GABRG3: variants seen among roughly 807,000 people sequenced by gnomAD.
GABRG3 encodes the protein gamma-aminobutyric acid receptor subunit gamma-3.
Under a neutral mutation model 48.8 loss-of-function variants are expected in GABRG3, and 25 were observed. The ratio of observed to expected loss-of-function variants is 0.51; its 90% CI spans 0.37 to 0.72. GABRG3 has a LOEUF of 0.72. Among genes scored for constraint, GABRG3 ranks in the 30% least tolerant of loss-of-function variants. The pLI is 0.00. For synonymous variants in GABRG3, 227 were observed against 217.6 expected (o/e 1.04, Z -0.38); for missense variants, 394 against 577.9 (o/e 0.68, Z 3.26).
intron 5 of GABRG3, 25 bp downstream of exon 5, chr15:27,328,913 T>C (rs557429798): frequency 6.3e-7 from 1 of 1,590,432 alleles, no homozygotes; most frequent in East Asian, 2.2e-5. Flanking sequence ...AAGCCCGGGG[T>C]GTGCATGCTG....
chr15:27,065,689 G>C (rs1180398731), intron 3 of GABRG3, among the ~76,000 whole-genome samples: 2 of 152,260 alleles, frequency 1.3e-5, no homozygotes, highest in Non-Finnish European at 2.9e-5. Flanking sequence ...GACCTTAGCT[G>C]CCTGCTGAGC....
At chr15:27,504,013 C>T (rs1343002339) in intron 6 of GABRG3, among the ~76,000 whole-genome samples, 2 of 152,138 alleles carry the variant, frequency 1.3e-5, no homozygotes, top group Non-Finnish European at 2.9e-5. Flanking sequence ...ATTATTACCA[C>T]AGTAAAACTT....
intron 3 of GABRG3, among the ~76,000 whole-genome samples, chr15:27,303,439 T>C (rs1263532008): frequency 6.6e-6 from 1 of 151,828 alleles, no homozygotes; most frequent in Non-Finnish European, 1.5e-5. Flanking sequence ...ACCATTAAAG[T>C]GATTGATTTC....
intron 3 of GABRG3, among the ~76,000 whole-genome samples, chr15:27,272,286 C>G (rs1207326691): frequency 6.6e-6 from 1 of 152,230 alleles, no homozygotes; most frequent in Non-Finnish European, 1.5e-5. Context: ...GGCCTCATCT[C>G]TTGGGCACCC....
rs148136844 is a variant in GABRG3, at chr15:27,091,639, T to C, written c.270+64818T>C. On this transcript the variant is annotated intron_variant, in intron 3 of 9. Coordinates refer to ENST00000615808, the MANE Select transcript of GABRG3 (RefSeq NM_033223.5). The stretch of plus-strand genomic sequence containing the variant: ...TTTGATCACTGATTCAACCTCGCTG[T>C]TTGCTCTAGATCTGTTCGGATTTTC... 1.6e-3 allele frequency among the ~76,000 whole-genome samples: 243 copies of C among 152,326 alleles called. 1 individual carries two copies. The highest frequency in any genetic ancestry group is 6.2e-3 in the East Asian group (32 of 5,172).
chr15:27,494,287 A>G (rs1054664112), intron 6 of GABRG3, among the ~76,000 whole-genome samples: 5 of 152,078 alleles, frequency 3.3e-5, no homozygotes, highest in African/African-American at 1.2e-4. Context: ...TATTGTATCA[A>G]TTTGATGATA....
chr15:27,324,998 A>G (rs757189551), intron 3 of GABRG3, among the ~76,000 whole-genome samples: 2 of 116,430 alleles, frequency 1.7e-5, no homozygotes, highest in African/African-American at 1.0e-4. Context: ...GGTTGTTTCA[A>G]TGGACTTTGG....
At chr15:27,022,722 T>G (rs1427140107) in intron 2 of GABRG3, among the ~76,000 whole-genome samples, 1 of 152,164 alleles carries the variant, frequency 6.6e-6, no homozygotes, top group Non-Finnish European at 1.5e-5. Context: ...CTGCATTCCT[T>G]CCCCAGCAAG....
chr15:27,051,786 C>T (rs1896459746), intron 3 of GABRG3, among the ~76,000 whole-genome samples: 1 of 152,186 alleles, frequency 6.6e-6, no homozygotes. Context: ...AATTATACAA[C>T]TTATACAACT....
chr15:27,370,158 A>G (rs1895359950), intron 5 of GABRG3, among the ~76,000 whole-genome samples: 1 of 152,360 alleles, frequency 6.6e-6, no homozygotes, highest in Admixed American at 6.5e-5. Flanking sequence ...GGGGTTACTC[A>G]CTTATCATCT....
intron 3 of GABRG3, among the ~76,000 whole-genome samples, chr15:27,161,543 G>GT (rs1460399681): frequency 6.6e-6 from 1 of 152,058 alleles, no homozygotes; most frequent in African/African-American, 2.4e-5. Flanking sequence ...GCTTGCCAAT[G>GT]TTTTTTCTTT....
In GABRG3 at chr15:27,537,120, TC is replaced by T. The variant is rs1891564118; in HGVS notation, c.*4240del. 7.1e-6 allele frequency: 1 copy of T among 140,260 alleles called. No homozygotes were observed. Among genetic ancestry groups the T allele is most frequent in the Non-Finnish European group, 1.5e-5 (1 of 66,832 alleles). 8.7% of individuals were successfully genotyped at this position (140,260 alleles called of 1,614,324 possible). On this transcript the variant is annotated 3_prime_UTR_variant, in exon 10 of 10. Coordinates refer to ENST00000615808, the MANE Select transcript of GABRG3 (RefSeq NM_033223.5). ...CCCGTAAGAAATTTCATCTGCAATT[TC>T]TGTAAAAAAAAAAAAAAAAAAAAAG... is the stretch of plus-strand genomic sequence containing the variant.
At chr15:27,267,430 G>A (rs1007270644) in intron 3 of GABRG3, among the ~76,000 whole-genome samples, 2 of 143,016 alleles carry the variant, frequency 1.4e-5, no homozygotes, top group South Asian at 4.4e-4. Context: ...AGAGTATCAT[G>A]TTAGCTCAAG....
Position 27,082,546 on chromosome 15 carries a change from T to G in GABRG3, c.270+55725T>G, listed in dbSNP as rs1389827764. Among the ~76,000 whole-genome samples, 7 of 152,276 alleles carry G rather than the reference T, an allele frequency of 4.6e-5. No individual in the cohort carries two copies. In the East Asian group the frequency reaches 1.4e-3, roughly 29 times the overall value. ...TGCCCTGCATTAAATGGAACCTGATTAGAAGCCACTTGGGCAAGGGTTGGG... is the reference window on the plus strand; with the variant it reads ...TGCCCTGCATTAAATGGAACCTGATGAGAAGCCACTTGGGCAAGGGTTGGG... On this transcript the variant is annotated intron_variant, in intron 3 of 9. Coordinates refer to ENST00000615808, the MANE Select transcript of GABRG3 (RefSeq NM_033223.5).
chr15:27,493,310 AT>A (rs568506651), intron 6 of GABRG3, among the ~76,000 whole-genome samples: 334 of 151,150 alleles, frequency 2.2e-3, no homozygotes, highest in African/African-American at 6.7e-3. Flanking sequence ...AAACATGAGA[AT>A]TTTTTTTTTA....
chr15:27,044,909 A>G (rs569146282), intron 3 of GABRG3, among the ~76,000 whole-genome samples: 197 of 152,354 alleles, frequency 1.3e-3, no homozygotes, highest in Non-Finnish European at 2.2e-3. Context: ...TAGCCTTTCA[A>G]TTTATTTACA....
intron 5 of GABRG3, among the ~76,000 whole-genome samples, chr15:27,356,246 C>A (rs912315473): frequency 6.6e-6 from 1 of 151,856 alleles, no homozygotes; most frequent in Non-Finnish European, 1.5e-5. Flanking sequence ...GAAGAAAAAA[C>A]AAAGATATGA....
At chr15:27,321,971 C>T (rs1263413831) in intron 3 of GABRG3, among the ~76,000 whole-genome samples, 2 of 152,232 alleles carry the variant, frequency 1.3e-5, no homozygotes, top group Non-Finnish European at 2.9e-5. Flanking sequence ...GGGCTGTTCA[C>T]CAGCCTGATG....
intron 3 of GABRG3, among the ~76,000 whole-genome samples, chr15:27,067,421 G>A (rs574384051): frequency 5.4e-4 from 82 of 152,232 alleles, no homozygotes; most frequent in Non-Finnish European, 1.1e-3. Context: ...CTAAGGGCTC[G>A]CCTCTGCCCC....
Sources: gnomAD v4.1 joint callset for allele counts (sites outside exome capture counted in the v4.1 genomes callset) on GRCh38, gnomAD v4.1.1 for gene constraint, MANE v1.5 for transcripts, NCBI Gene and HGNC (gene_info 2026-07-23, HGNC 2026-07-21) for gene names.